COL27A1: variants seen among roughly 807,000 people sequenced by gnomAD.
The protein encoded by COL27A1 is collagen alpha-1(XXVII) chain.
COL27A1 carries 106 observed loss-of-function variants against 251.3 expected under a neutral mutation model. The observed-to-expected ratio is 0.42, with a 90% confidence interval of 0.36 to 0.50. COL27A1 has a LOEUF of 0.50. COL27A1 is among the 20% of genes least tolerant of loss of function. COL27A1 has a pLI of 0.00. For synonymous variants in COL27A1, 1,000 were observed against 986.3 expected, an observed-to-expected ratio of 1.01 and a Z score of -0.26; for missense variants, 2,325 against 2,522.8, an observed-to-expected ratio of 0.92 and a Z score of 1.68.
At chr9:114,281,236 G>A (rs1835878630) in intron 37 of COL27A1, among the ~76,000 whole-genome samples, 2 of 152,172 alleles carry the variant, frequency 1.3e-5, no homozygotes, top group African/African-American at 4.8e-5. Context: ...GGCCAGAAAC[G>A]CTGCCTGCCC....
At chr9:114,300,035 C>T (rs555494787) in intron 49 of COL27A1, 35 bp from the exon 50 acceptor site, 28 of 1,611,792 alleles carry the variant, frequency 1.7e-5, no homozygotes, top group East Asian at 2.2e-5. Flanking sequence ...TGACCATGAG[C>T]TCACTCGCTC....
chr9:114,300,797 C>T, intron 51 of COL27A1, 110 bp downstream of exon 51: 1 of 945,386 alleles, frequency 1.1e-6, no homozygotes. Context: ...CTCATGAGCC[C>T]TTTCTGCCCA....
At chr9:114,264,264 G>T (rs1455215419) in intron 28 of COL27A1, 91 bp from the exon 29 acceptor site, 10 of 990,802 alleles carry the variant, frequency 1.0e-5, no homozygotes, top group African/African-American at 5.0e-5. Context: ...GCAGGGGAAG[G>T]CCCCAGGCTT....
intron 7 of COL27A1, among the ~76,000 whole-genome samples, chr9:114,200,845 G>C (rs1479260330): frequency 6.6e-6 from 1 of 152,224 alleles, no homozygotes; most frequent in Non-Finnish European, 1.5e-5. Flanking sequence ...GTTCAGCAGA[G>C]ATTCATGGAG....
intron 7 of COL27A1, among the ~76,000 whole-genome samples, chr9:114,201,463 C>A (rs1178377350): frequency 6.6e-6 from 1 of 152,224 alleles, no homozygotes; most frequent in Non-Finnish European, 1.5e-5. Context: ...TACCTCCCGC[C>A]TTGGCTATGC....
chr9:114,209,850 G>C (rs755940841), intron 11 of COL27A1, 122 bp downstream of exon 11: 4 of 887,916 alleles, frequency 4.5e-6, no homozygotes, highest in Admixed American at 1.9e-5. Flanking sequence ...CACTTGAGTC[G>C]AGTAGGAGTC....
At chr9:114,200,419 T>A (rs954446623) in intron 7 of COL27A1, among the ~76,000 whole-genome samples, 3 of 152,196 alleles carry the variant, frequency 2.0e-5, no homozygotes, top group Non-Finnish European at 4.4e-5. Flanking sequence ...GGTAGAGAGT[T>A]TTTTCTGTTC....
intron 21 of COL27A1, 124 bp downstream of exon 21, chr9:114,240,611 G>A: frequency 1.1e-6 from 1 of 876,486 alleles, no homozygotes; most frequent in East Asian, 2.6e-5. Context: ...ACCACCCAGG[G>A]CTTCCCCAGA....
At chr9:114,235,079 CAAAAAAA>C (rs34337576) in intron 16 of COL27A1, among the ~76,000 whole-genome samples, 1 of 88,270 alleles carries the variant, frequency 1.1e-5, no homozygotes, top group Non-Finnish European at 2.0e-5. Context: ...GACTCCATCT[CAAAAAAA>C]AAAAAAAAAA....
intron 5 of COL27A1, among the ~76,000 whole-genome samples, chr9:114,185,719 A>G (rs746220581): frequency 1.4e-4 from 21 of 152,212 alleles, no homozygotes; most frequent in Non-Finnish European, 2.9e-4. Context: ...CCACACATCC[A>G]TTCATCCTCC....
At chr9:114,235,577 T>C (rs1456102456) in intron 16 of COL27A1, 22 bp from the exon 17 acceptor site, 29 of 1,609,310 alleles carry the variant, frequency 1.8e-5, no homozygotes, top group Non-Finnish European at 2.2e-5. Context: ...CATTGTAACC[T>C]TCTTTGCTGG....
intron 21 of COL27A1, among the ~76,000 whole-genome samples, chr9:114,241,357 C>T (rs1832744065): frequency 6.6e-6 from 1 of 152,250 alleles, no homozygotes; most frequent in African/African-American, 2.4e-5. Context: ...GGCTCTGGGT[C>T]TGGCGGGGTC....
At chr9:114,238,938 G>C (rs991508944) in intron 19 of COL27A1, among the ~76,000 whole-genome samples, 1 of 152,188 alleles carries the variant, frequency 6.6e-6, no homozygotes, top group Non-Finnish European at 1.5e-5. Context: ...GCTTCCTCAG[G>C]GTTGCTCTGC....
intron 23 of COL27A1, among the ~76,000 whole-genome samples, chr9:114,243,846 G>A (rs1832927526): frequency 6.6e-6 from 1 of 152,002 alleles, no homozygotes; most frequent in Admixed American, 6.6e-5. Context: ...GGTGGTGGAG[G>A]AAACAGGTTA....
rs149260799 is a variant in COL27A1, at chr9:114,168,263, T to G, written c.708T>G (p.Cys236Trp). Reference sequence around the variant, plus strand: ...ACTGTACCCACCTGAGGAAGCAGTGTGGACAGGCTGACACGTACCAGTCCC... The same window carrying G: ...ACTGTACCCACCTGAGGAAGCAGTGGGGACAGGCTGACACGTACCAGTCCC... Reference protein sequence around the residue: ...HNYCTHLRKQCGQADTYQSPL... With the variant: ...HNYCTHLRKQWGQADTYQSPL... The change falls in exon 3 of 61, where the codon TGT (cysteine) becomes TGG (tryptophan). Residue 236 changes from cysteine to tryptophan, a missense_variant. This residue lies in a region of COL27A1 where 1,183 missense variants were observed against 1,144.1 expected (regional missense o/e 1.03). Transcript: ENST00000356083. 1.4e-5 allele frequency: 22 copies of G among 1,613,744 alleles called. No homozygotes were observed. The highest frequency in any genetic ancestry group is 1.8e-5 in the Non-Finnish European group (21 of 1,179,994).
intron 36 of COL27A1, 65 bp downstream of exon 36, chr9:114,270,846 T>A: frequency 8.3e-7 from 1 of 1,204,564 alleles, no homozygotes; most frequent in Non-Finnish European, 1.2e-6. Context: ...ATCCAAGACC[T>A]AAGTCTCCTC....
intron 49 of COL27A1, among the ~76,000 whole-genome samples, chr9:114,296,878 T>C (rs1379084144): frequency 2.0e-5 from 3 of 152,250 alleles, no homozygotes; most frequent in African/African-American, 7.2e-5. Context: ...GTAAATGGAT[T>C]GAACTATTAA....
chr9:114,275,968 T>A (rs1409903948), intron 37 of COL27A1, among the ~76,000 whole-genome samples, 200 bp downstream of exon 37: 3 of 152,150 alleles, frequency 2.0e-5, no homozygotes. Context: ...CGGTTACTCA[T>A]CCTCCTGGCT....
At chr9:114,277,077 G>C (rs1457207543) in intron 37 of COL27A1, among the ~76,000 whole-genome samples, 1 of 152,190 alleles carries the variant, frequency 6.6e-6, no homozygotes, top group Non-Finnish European at 1.5e-5. Flanking sequence ...CTTGGCTGTG[G>C]GGCTGTGAGG....
Sources: allele counts gnomAD v4.1 joint callset (sites outside exome capture counted in the v4.1 genomes callset), GRCh38; gene constraint gnomAD v4.1.1; regional missense constraint gnomAD v4.1.1; transcripts MANE v1.5; gene names NCBI Gene and HGNC (gene_info 2026-07-23, HGNC 2026-07-21).